SYNGR3: variants seen among roughly 807,000 people sequenced by gnomAD.
SYNGR3 encodes synaptogyrin 3.
SYNGR3 carries 10 observed loss-of-function variants against 18.5 expected under a neutral mutation model. The observed-to-expected ratio is 0.54, with a 90% confidence interval of 0.33 to 0.92. SYNGR3 has a LOEUF of 0.92. Among genes scored for constraint, SYNGR3 ranks in the 40% least tolerant of loss-of-function variants. The pLI, the probability that SYNGR3 is intolerant of heterozygous loss-of-function variation, is 0.02. For missense variants in SYNGR3, 335 were observed against 332.8 expected (o/e 1.01, Z -0.05); for synonymous variants, 188 against 157.2 (o/e 1.20, Z -1.47).
rs2083617154 is a variant in SYNGR3, at chr16:1,993,702, G to A, written c.*630G>A. On this transcript the variant is annotated 3_prime_UTR_variant, in exon 4 of 4. Transcript: ENST00000248121. ...CTCTGTGGCCCCGGCCCCTGCCCAGGTGTGGGTGGTTCTGGCCAGGAAGGC... is the reference window on the plus strand; with the variant it reads ...CTCTGTGGCCCCGGCCCCTGCCCAGATGTGGGTGGTTCTGGCCAGGAAGGC... The A allele has an allele frequency of 2.4e-6, 1 of 416,384 alleles. No homozygotes were observed. The highest frequency in any genetic ancestry group is 4.9e-6 in the Non-Finnish European group (1 of 204,968). The allele number at this position is 416,384 out of a possible 1,614,324, so 25.8% of individuals were successfully genotyped here.
chr16:1,993,029 C>T lies in SYNGR3; in HGVS notation c.647C>T (p.Thr216Ile), dbSNP rs988162617. 6.2e-7 allele frequency: 1 copy of T among 1,612,046 alleles called. No homozygotes were observed. The highest frequency in any genetic ancestry group is 8.5e-7 in the Non-Finnish European group (1 of 1,179,728). The change falls in exon 4 of 4, where the codon ACC becomes ATC. Residue 216 changes from threonine to isoleucine, a missense_variant. Thr to Ile is a moderately conservative substitution (Grantham distance 89, BLOSUM62 -1). Transcript: ENST00000248121. ...TACCAGAGCCCGCCCTTCACCGAGA[C>T]CCTGGACACCAGCCCCAAAGGGTAC... ...ETYQSPPFTE[T>I]LDTSPKGYQV...
intron 1 of SYNGR3, 98 bp from the exon 2 acceptor site, chr16:1,991,876 G>A (rs1176952320): frequency 1.9e-6 from 2 of 1,051,858 alleles, no homozygotes; most frequent in Non-Finnish European, 2.7e-6. Flanking sequence ...CCAGATACGG[G>A]CCTGGGAACG....
intron 2 of SYNGR3, 183 bp downstream of exon 2, chr16:1,992,394 G>A: frequency 1.4e-6 from 1 of 691,942 alleles, no homozygotes; most frequent in Non-Finnish European, 2.2e-6. Flanking sequence ...GCCTGGACGG[G>A]GAGCGCCGCG....
At chr16:1,991,057 G>A in intron 1 of SYNGR3, 1 of 152,830 alleles carries the variant, frequency 6.5e-6, no homozygotes, top group Non-Finnish European at 1.5e-5. Context: ...TCTCGGAGCT[G>A]GAGCGGGAAA....
In SYNGR3 at chr16:1,992,156, A is replaced by T. The variant is rs930832908; in HGVS notation, c.282A>T (p.Gln94His). Residue 94 changes from glutamine (Q) to histidine (H), a missense_variant, in exon 2 of 4, where the codon CAA (glutamine) becomes CAT (histidine). Physicochemically the swap from Gln to His is conservative, Grantham distance 24. Transcript: ENST00000248121. Reference sequence around the variant, plus strand: ...TGCTGCTCGATGTGCGCTTCCAGCAAATCAGCAGCGTCCGCGACCGCCGGC... The same window carrying T: ...TGCTGCTCGATGTGCGCTTCCAGCATATCAGCAGCGTCCGCGACCGCCGGC... Reference protein sequence around the residue: ...AFLLLDVRFQQISSVRDRRRA... With the variant: ...AFLLLDVRFQHISSVRDRRRA... 7 of 1,493,506 alleles carry T rather than the reference A, an allele frequency of 4.7e-6. No homozygotes were observed. Among genetic ancestry groups the T allele is most frequent in the Non-Finnish European group, 6.2e-6 (7 of 1,121,178 alleles). 92.5% of individuals were successfully genotyped at this position (1,493,506 alleles called of 1,614,324 possible).
chr16:1,993,712 T>C lies in SYNGR3; in HGVS notation c.*640T>C. ...CCGGCCCCTGCCCAGGTGTGGGTGG[T>C]TCTGGCCAGGAAGGCACAAGGTAGC... is the stretch of plus-strand genomic sequence containing the variant. On this transcript the variant is annotated 3_prime_UTR_variant, in exon 4 of 4. Transcript: ENST00000248121. 1 of 409,518 alleles carries C rather than the reference T, an allele frequency of 2.4e-6. No individual in the cohort carries two copies. The highest frequency in any genetic ancestry group is 7.1e-5 in the East Asian group (1 of 14,060). The allele number at this position is 409,518 out of a possible 1,614,324, so 25.4% of individuals were successfully genotyped here.
chr16:1,992,588 G>A (rs2083610218), intron 2 of SYNGR3, 48 bp from the exon 3 acceptor site: 3 of 1,567,518 alleles, frequency 1.9e-6, no homozygotes, highest in African/African-American at 2.8e-5. Context: ...CGAGGCCGCC[G>A]TGGGCCACCG....
Position 1,993,323 on chromosome 16 carries a change from C to T in SYNGR3, c.*251C>T, listed in dbSNP as rs2083615199. The T allele has an allele frequency of 1.6e-6, 1 of 638,140 alleles. No homozygotes were observed. Among genetic ancestry groups the T allele is most frequent in the Non-Finnish European group, 2.8e-6 (1 of 350,940 alleles). The allele number at this position is 638,140 out of a possible 1,614,324, so 39.5% of individuals were successfully genotyped here. The stretch of plus-strand genomic sequence containing the variant: ...GATAGCACTGCCCAGGACGTGTGTC[C>T]CTAGCCTGGAATGGACTGGCCTGGG... On this transcript the variant is annotated 3_prime_UTR_variant, in exon 4 of 4. Transcript: ENST00000248121.
In SYNGR3 at chr16:1,992,491, A is replaced by C; in HGVS notation, c.338-145A>C. 9 of 1,148,990 alleles carry C rather than the reference A, an allele frequency of 7.8e-6. 1 individual carries two copies. The South Asian group carries it at 1.4e-4, about 18-fold the overall frequency. 71.2% of individuals were successfully genotyped at this position (1,148,990 alleles called of 1,614,324 possible). ...GCTCCCGGGTGGGCGGGGTCAGCGC[A>C]GGAGAGGGAGGCGGGACCTCGCGCC... is the stretch of plus-strand genomic sequence containing the variant. On this transcript the variant is annotated intron_variant, in intron 2 of 3. Coordinates refer to ENST00000248121, the MANE Select transcript of SYNGR3 (RefSeq NM_004209.6).
chr16:1,992,833 G>A (rs1000976998), intron 3 of SYNGR3, 30 bp from the exon 4 acceptor site: 30 of 1,518,256 alleles, frequency 2.0e-5, no homozygotes, highest in Non-Finnish European at 2.5e-5. Flanking sequence ...GGCTGATCCC[G>A]GCTGACCCCG....
intron 1 of SYNGR3, chr16:1,991,766 A>G: frequency 1.9e-6 from 1 of 538,390 alleles, no homozygotes; most frequent in Middle Eastern, 4.9e-4. Context: ...TGTTTAACAC[A>G]ATGTCTGGGC....
chr16:1,992,379 G>A, intron 2 of SYNGR3, 168 bp downstream of exon 2: 1 of 604,964 alleles, frequency 1.7e-6, no homozygotes, highest in Non-Finnish European at 2.6e-6. Flanking sequence ...CGGGGAGGGG[G>A]CGGAGCCTGG....
intron 2 of SYNGR3, chr16:1,992,418 A>C: frequency 1.4e-6 from 1 of 732,050 alleles, no homozygotes; most frequent in Middle Eastern, 4.3e-4. Context: ...CTTTCTAGGT[A>C]GGCGGGGCCC....
At chr16:1,990,406 G>C in intron 1 of SYNGR3, 1 of 439,818 alleles carries the variant, frequency 2.3e-6, no homozygotes. Context: ...CGGAGGAGGG[G>C]CCGGCGGCGC....
intron 1 of SYNGR3, chr16:1,990,495 G>T (rs1419205703): frequency 3.7e-6 from 2 of 535,106 alleles, no homozygotes; most frequent in South Asian, 1.6e-5. Context: ...GTCCCTTTCC[G>T]CAGCCCTTAC....
chr16:1,990,712 C>G (rs2083599072), intron 1 of SYNGR3: 1 of 256,042 alleles, frequency 3.9e-6, no homozygotes. Context: ...GGGAGGGCTT[C>G]CTGGCGGCGG....
In SYNGR3 at chr16:1,992,726, G is replaced by A. The variant is rs764467395; in HGVS notation, c.428G>A (p.Gly143Glu). Residue 143 changes from glycine to glutamate, a missense_variant, in exon 3 of 4, where the codon GGG becomes GAG. By Grantham distance (98) the Gly-to-Glu change is moderately conservative. Coordinates refer to ENST00000248121, the MANE Select transcript of SYNGR3 (RefSeq NM_004209.6). ...TAPGPATTQA[G>E]DAARAAIAFS... ...CCAGGGCCGGCCACGACGCAGGCGG[G>A]GGACGCGGCGCGGGCCGCCATCGCC... 37 of 1,591,094 alleles carry A rather than the reference G, an allele frequency of 2.3e-5. No individual in the cohort carries two copies. The highest frequency in any genetic ancestry group is 3.4e-4 in the Middle Eastern group (2 of 5,888).
chr16:1,993,959 A>C lies in SYNGR3; in HGVS notation c.*887A>C. ...CCACCTGCACCCTGCTTCCTGGCCC[A>C]GTCCCAGGTTGGAGTCCCTCTGCAT... On this transcript the variant is annotated 3_prime_UTR_variant, in exon 4 of 4. Coordinates refer to ENST00000248121, the MANE Select transcript of SYNGR3 (RefSeq NM_004209.6). 1 of 231,518 alleles carries C rather than the reference A, an allele frequency of 4.3e-6. No homozygotes were observed. Among genetic ancestry groups the C allele is most frequent in the Non-Finnish European group, 8.8e-6 (1 of 113,782 alleles). The allele number at this position is 231,518 out of a possible 1,614,324, so 14.3% of individuals were successfully genotyped here.
chr16:1,993,509 T>C lies in SYNGR3; in HGVS notation c.*437T>C, dbSNP rs2083616170. On this transcript the variant is annotated 3_prime_UTR_variant, in exon 4 of 4. Coordinates refer to ENST00000248121, the MANE Select transcript of SYNGR3 (RefSeq NM_004209.6). ...GATCCTGGCCACTGTTCCCATCCCA[T>C]GTCCCTGTGGGTAGTGACTGTCTCG... 2.1e-6 allele frequency: 1 copy of C among 470,234 alleles called. No individual in the cohort carries two copies. Among genetic ancestry groups the C allele is most frequent in the Non-Finnish European group, 4.2e-6 (1 of 236,552 alleles). The allele number at this position is 470,234 out of a possible 1,614,324, so 29.1% of individuals were successfully genotyped here.
Sources: allele counts gnomAD v4.1 joint callset, GRCh38; gene constraint gnomAD v4.1.1; transcripts MANE v1.5; gene names NCBI Gene and HGNC (gene_info 2026-07-23, HGNC 2026-07-21).